Variants in CLSTN2 observed in about 807,000 individuals in gnomAD.
The protein encoded by CLSTN2 is calsyntenin 2.
CLSTN2 carries 48 observed loss-of-function variants against 101.2 expected under a neutral mutation model. The observed-to-expected ratio is 0.47, with a 90% CI of 0.38 to 0.60. The LOEUF is 0.60. Among genes scored for constraint, CLSTN2 ranks in the 20% least tolerant of loss-of-function variants. The pLI is 0.00. For missense variants in CLSTN2, 1,160 were observed against 1,238.2 expected (o/e 0.94, Z 0.95); for synonymous variants, 481 against 463.6 (o/e 1.04, Z -0.48).
chr3:140,209,146 A>C (rs1414068301), intron 2 of CLSTN2, among the ~76,000 whole-genome samples: 1 of 152,236 alleles, frequency 6.6e-6, no homozygotes, highest in East Asian at 1.9e-4. Context: ...TGGGGACTCC[A>C]AGAATCAAAA....
chr3:140,345,411 G>A (rs542691252), intron 2 of CLSTN2, among the ~76,000 whole-genome samples: 40 of 151,820 alleles, frequency 2.6e-4, no homozygotes, highest in Admixed American at 7.9e-4. Flanking sequence ...ACCATGCCCA[G>A]CTAATTTTTT....
intron 2 of CLSTN2, among the ~76,000 whole-genome samples, chr3:140,187,147 C>T (rs1472290410): frequency 6.6e-6 from 1 of 152,170 alleles, no homozygotes; most frequent in African/African-American, 2.4e-5. Context: ...CTCTGCCACT[C>T]CTTGGGCCAT....
intron 1 of CLSTN2, among the ~76,000 whole-genome samples, chr3:139,992,567 T>C (rs1936133033): frequency 6.6e-6 from 1 of 152,198 alleles, no homozygotes; most frequent in Non-Finnish European, 1.5e-5. Flanking sequence ...TCAACAAGTA[T>C]GTATTGAGCA....
At chr3:140,154,296 G>A (rs1168511221) in intron 1 of CLSTN2, among the ~76,000 whole-genome samples, 2 of 152,052 alleles carry the variant, frequency 1.3e-5, no homozygotes, top group East Asian at 1.9e-4. Context: ...AACATCTAGT[G>A]CAGATACTCC....
chr3:140,011,090 C>T (rs2107751218), intron 1 of CLSTN2, among the ~76,000 whole-genome samples: 1 of 152,310 alleles, frequency 6.6e-6, no homozygotes, highest in East Asian at 1.9e-4. Flanking sequence ...CTGGCCTCAG[C>T]AGGCAGGTTG....
At chr3:140,350,446 G>A (rs1186306084) in intron 2 of CLSTN2, among the ~76,000 whole-genome samples, 1 of 152,144 alleles carries the variant, frequency 6.6e-6, no homozygotes, top group East Asian at 1.9e-4. Context: ...GAAGAAGATG[G>A]GATGTGGGGT....
At chr3:140,226,898 T>A (rs1475146382) in intron 2 of CLSTN2, among the ~76,000 whole-genome samples, 1 of 152,148 alleles carries the variant, frequency 6.6e-6, no homozygotes, top group Non-Finnish European at 1.5e-5. Flanking sequence ...TCTTTCACTA[T>A]CATGAGAACA....
At chr3:140,435,780 T>C (rs879434992) in intron 5 of CLSTN2, among the ~76,000 whole-genome samples, 1 of 152,252 alleles carries the variant, frequency 6.6e-6, no homozygotes, top group Non-Finnish European at 1.5e-5. Context: ...GGTGACATGA[T>C]ATCTCATTGC....
chr3:140,092,841 A>G (rs961227336), intron 1 of CLSTN2, among the ~76,000 whole-genome samples: 1 of 152,180 alleles, frequency 6.6e-6, no homozygotes, highest in East Asian at 1.9e-4. Context: ...GGTGCATTTC[A>G]GTCTCCAGGG....
At chr3:140,457,458 CCTA>C (rs1933431367) in intron 6 of CLSTN2, among the ~76,000 whole-genome samples, 2 of 152,212 alleles carry the variant, frequency 1.3e-5, no homozygotes, top group African/African-American at 4.8e-5. Context: ...CCATGTATCT[CCTA>C]CTTCCAAACC....
At chr3:140,231,243 GAC>G (rs2086369353) in intron 2 of CLSTN2, among the ~76,000 whole-genome samples, 1 of 152,064 alleles carries the variant, frequency 6.6e-6, no homozygotes, top group Admixed American at 6.6e-5. Flanking sequence ...AACTGAAGCA[GAC>G]ACACCCTCCC....
At position 139,959,266 on chromosome 3, in the gene CLSTN2, G is replaced by A. The variant is rs577716402; in HGVS notation, c.109+23783G>A. 2.4e-4 allele frequency among the ~76,000 whole-genome samples: 37 copies of A among 152,264 alleles called. 1 individual carries two copies. In the South Asian group the frequency reaches 7.5e-3, roughly 31 times the overall value. On this transcript the variant is annotated intron_variant, in intron 1 of 16. Transcript: ENST00000458420. ...CTTCTTTTATCCCTCCAGCTGTGGG[G>A]TGGTAGTGGCCTCCTGCCTTGCCAT...
At chr3:139,962,617 A>C (rs1935531529) in intron 1 of CLSTN2, among the ~76,000 whole-genome samples, 1 of 152,230 alleles carries the variant, frequency 6.6e-6, no homozygotes, top group Non-Finnish European at 1.5e-5. Flanking sequence ...AGAAATACTG[A>C]AAAAATAATG....
At chr3:139,972,263 C>CA (rs377369578) in intron 1 of CLSTN2, among the ~76,000 whole-genome samples, 190 of 141,768 alleles carry the variant, frequency 1.3e-3, no homozygotes, top group Middle Eastern at 3.6e-3. Flanking sequence ...GACTCTGCCT[C>CA]AAAAAAAAAA....
intron 2 of CLSTN2, among the ~76,000 whole-genome samples, chr3:140,333,483 A>G (rs1216495121): frequency 6.6e-6 from 1 of 152,064 alleles, no homozygotes; most frequent in Non-Finnish European, 1.5e-5. Context: ...TTATCACATC[A>G]TGTAAGCTTT....
chr3:140,169,789 T>C (rs893424337), intron 1 of CLSTN2, among the ~76,000 whole-genome samples: 2 of 152,138 alleles, frequency 1.3e-5, no homozygotes, highest in African/African-American at 2.4e-5. Flanking sequence ...GGGTAGAACA[T>C]TTCTGAGAGT....
intron 1 of CLSTN2, among the ~76,000 whole-genome samples, chr3:140,096,368 T>C (rs1014411930): frequency 5.3e-5 from 8 of 152,206 alleles, no homozygotes; most frequent in African/African-American, 1.9e-4. Flanking sequence ...TTGGTATTAA[T>C]GGTTTATAAT....
chr3:140,082,352 A>G (rs928092295), intron 1 of CLSTN2, among the ~76,000 whole-genome samples: 1 of 152,064 alleles, frequency 6.6e-6, no homozygotes, highest in Admixed American at 6.6e-5. Context: ...GGGAATGTGC[A>G]TTGCTTTTTG....
intron 1 of CLSTN2, among the ~76,000 whole-genome samples, chr3:139,992,730 C>T (rs1352729041): frequency 1.3e-5 from 2 of 152,126 alleles, no homozygotes; most frequent in Non-Finnish European, 2.9e-5. Context: ...GCAGAATTTT[C>T]CCTCAAGGAG....
Sources: allele counts gnomAD v4.1 joint callset (sites outside exome capture counted in the v4.1 genomes callset), GRCh38; gene constraint gnomAD v4.1.1; transcripts MANE v1.5; gene names NCBI Gene and HGNC (gene_info 2026-07-23, HGNC 2026-07-21).